Variants in RBMS3 observed in about 807,000 individuals in gnomAD.
RBMS3 encodes RNA-binding motif, single-stranded-interacting protein 3.
RBMS3 carries 27 observed loss-of-function variants against 66.8 expected under a neutral mutation model. The observed-to-expected ratio is 0.40, with a 90% CI of 0.30 to 0.56. RBMS3 has a LOEUF of 0.56. Among genes scored for constraint, RBMS3 ranks in the 20% least tolerant of loss-of-function variants. RBMS3 has a pLI of 0.40. For missense variants in RBMS3, 513 were observed against 549.5 expected (o/e 0.93, Z 0.66); for synonymous variants, 188 against 183.0 (o/e 1.03, Z -0.22).
At chr3:29,576,409 A>G (rs1051541390) in intron 3 of RBMS3, among the ~76,000 whole-genome samples, 1 of 152,128 alleles carries the variant, frequency 6.6e-6, no homozygotes, top group African/African-American at 2.4e-5. Context: ...GCTGCCATCA[A>G]TGTGACTGCT....
intron 1 of RBMS3, among the ~76,000 whole-genome samples, chr3:29,313,538 C>T (rs1011803988): frequency 3.3e-5 from 5 of 151,742 alleles, no homozygotes; most frequent in East Asian, 2.0e-4. Flanking sequence ...TTATTTGCAA[C>T]AGTACCATGT....
chr3:29,960,135 C>T (rs1696327516), intron 12 of RBMS3, among the ~76,000 whole-genome samples: 1 of 152,124 alleles, frequency 6.6e-6, no homozygotes, highest in Non-Finnish European at 1.5e-5. Flanking sequence ...AAATCAAAGG[C>T]AAGTTAGTTA....
intron 7 of RBMS3, chr3:29,880,872 G>C: frequency 6.7e-7 from 1 of 1,485,740 alleles, no homozygotes; most frequent in Non-Finnish European, 9.1e-7. Flanking sequence ...TCTCACCTTA[G>C]ATTCTCTCCA....
chr3:29,783,343 C>A (rs2056705781), intron 6 of RBMS3, among the ~76,000 whole-genome samples: 1 of 152,254 alleles, frequency 6.6e-6, no homozygotes, highest in Admixed American at 6.5e-5. Context: ...AGATTAACAG[C>A]AGATTTCTCA....
At chr3:29,913,847 A>G (rs771817099) in intron 10 of RBMS3, among the ~76,000 whole-genome samples, 11 of 151,948 alleles carry the variant, frequency 7.2e-5, no homozygotes, top group South Asian at 2.1e-4. Context: ...TGAAAAAATC[A>G]TTATGCTTCC....
At chr3:29,439,134 G>A (rs1453408361) in intron 2 of RBMS3, among the ~76,000 whole-genome samples, 6 of 152,164 alleles carry the variant, frequency 3.9e-5, no homozygotes, top group African/African-American at 9.7e-5. Context: ...CGTGACTATA[G>A]CAGAGAGAAA....
chr3:29,749,018 T>C (rs1360078394), intron 5 of RBMS3, among the ~76,000 whole-genome samples: 1 of 152,222 alleles, frequency 6.6e-6, no homozygotes, highest in Non-Finnish European at 1.5e-5. Context: ...TATTGAATCA[T>C]CCTGGTCTTT....
At chr3:29,615,474 A>G (rs979037789) in intron 4 of RBMS3, among the ~76,000 whole-genome samples, 2 of 151,590 alleles carry the variant, frequency 1.3e-5, no homozygotes, top group African/African-American at 4.8e-5. Flanking sequence ...CAGTTAGCAC[A>G]CACACACACA....
intron 4 of RBMS3, among the ~76,000 whole-genome samples, chr3:29,720,865 C>T (rs1216634660): frequency 6.6e-6 from 1 of 152,018 alleles, no homozygotes; most frequent in Non-Finnish European, 1.5e-5. Flanking sequence ...CTGTCATTGT[C>T]TGGGGCTAAT....
intron 7 of RBMS3, among the ~76,000 whole-genome samples, chr3:29,883,712 C>T (rs183345955): frequency 1.1e-4 from 16 of 152,088 alleles, no homozygotes; most frequent in Non-Finnish European, 4.4e-5. Flanking sequence ...GGCATATGGT[C>T]TATTTTTAAA....
intron 1 of RBMS3, among the ~76,000 whole-genome samples, chr3:29,381,927 C>G (rs2038780258): frequency 6.6e-6 from 1 of 152,034 alleles, no homozygotes; most frequent in Admixed American, 6.6e-5. Flanking sequence ...CAGCTTCTAT[C>G]TTTCTTTCCT....
intron 4 of RBMS3, among the ~76,000 whole-genome samples, chr3:29,662,396 G>T (rs79574069): frequency 1.3e-5 from 2 of 152,030 alleles, no homozygotes; most frequent in Non-Finnish European, 2.9e-5. Context: ...AATATTTTTC[G>T]AAAATTGAGC....
rs538079176 is a variant in RBMS3, at chr3:29,281,321, C to G, written c.-361C>G. Reference sequence around the variant, plus strand: ...GCTAAAAGGACTTTGATTTTTTTCCCCCTTTACGAACGCTGGCAATTGACA... The same window carrying G: ...GCTAAAAGGACTTTGATTTTTTTCCGCCTTTACGAACGCTGGCAATTGACA... On this transcript the variant is annotated 5_prime_UTR_variant, in exon 1 of 15. Coordinates refer to ENST00000383767, the MANE Select transcript of RBMS3 (RefSeq NM_001003793.3). 3 of 257,854 alleles carry G rather than the reference C, an allele frequency of 1.2e-5. No individual in the cohort carries two copies. The highest frequency in any genetic ancestry group is 4.5e-5 in the African/African-American group (2 of 44,134). The allele number at this position is 257,854 out of a possible 1,614,324, so 16.0% of individuals were successfully genotyped here. A position where few individuals can be genotyped will look rare whatever the true frequency, so the allele number is the denominator to read the frequency against.
intron 1 of RBMS3, among the ~76,000 whole-genome samples, chr3:29,344,818 A>G (rs1407249133): frequency 2.0e-5 from 3 of 152,188 alleles, no homozygotes; most frequent in African/African-American, 7.2e-5. Context: ...ACATTTAAGC[A>G]TAGAGGAAAT....
At chr3:30,000,136 A>C (rs1205364520) in intron 14 of RBMS3, among the ~76,000 whole-genome samples, 2 of 152,286 alleles carry the variant, frequency 1.3e-5, no homozygotes, top group African/African-American at 4.8e-5. Context: ...AATGTTTGCA[A>C]TCTACCCATC....
chr3:29,883,002 A>G (rs1217721014), intron 7 of RBMS3, among the ~76,000 whole-genome samples: 2 of 152,100 alleles, frequency 1.3e-5, no homozygotes, highest in Non-Finnish European at 2.9e-5. Flanking sequence ...TAATTATAGT[A>G]CACTATCAAA....
chr3:29,738,073 C>A (rs912046977), intron 4 of RBMS3, among the ~76,000 whole-genome samples: 13 of 151,956 alleles, frequency 8.6e-5, no homozygotes, highest in African/African-American at 2.9e-4. Context: ...ATATTCACTC[C>A]AAGTTTTAAT....
chr3:29,730,051 A>G (rs923183268), intron 4 of RBMS3, among the ~76,000 whole-genome samples: 4 of 152,064 alleles, frequency 2.6e-5, no homozygotes, highest in Admixed American at 2.0e-4. Context: ...GTAATGATAT[A>G]TATCTTACCT....
At chr3:29,799,198 A>G (rs2057312239) in intron 6 of RBMS3, among the ~76,000 whole-genome samples, 2 of 152,138 alleles carry the variant, frequency 1.3e-5, no homozygotes, top group Non-Finnish European at 2.9e-5. Context: ...GAAATTTCTA[A>G]CACAGATGGT....
Sources: gnomAD v4.1 joint callset for allele counts (sites outside exome capture counted in the v4.1 genomes callset) on GRCh38, gnomAD v4.1.1 for gene constraint, MANE v1.5 for transcripts, NCBI Gene and HGNC (gene_info 2026-07-23, HGNC 2026-07-21) for gene names.